The following ATRNL1 variants were observed in gnomAD, a reference collection of about 807,000 sequenced individuals.
ATRNL1 encodes attractin-like protein 1.
A neutral mutation model predicts 182.7 loss-of-function variants in ATRNL1; 95 were observed. The ratio of observed to expected loss-of-function variants is 0.52; its 90% CI spans 0.44 to 0.62. ATRNL1 has a LOEUF of 0.62. ATRNL1 is among the 20% of genes least tolerant of loss of function. ATRNL1 has a pLI of 0.00. For synonymous variants in ATRNL1, 576 were observed against 568.3 expected (o/e 1.01, Z -0.19); for missense variants, 1,471 against 1,679.5 (o/e 0.88, Z 2.17).
intron 7 of ATRNL1, among the ~76,000 whole-genome samples, chr10:115,170,281 C>T (rs1350978722): frequency 6.6e-6 from 1 of 151,986 alleles, no homozygotes; most frequent in Non-Finnish European, 1.5e-5. Flanking sequence ...TATCTTTTGT[C>T]AGGTTGGAAA....
chr10:115,625,448 G>T (rs569100989), intron 26 of ATRNL1, among the ~76,000 whole-genome samples: 1 of 152,134 alleles, frequency 6.6e-6, no homozygotes, highest in East Asian at 1.9e-4. Context: ...GTTGCTTGTA[G>T]TTTTATACCT....
chr10:115,829,584 T>C (rs1950513831), intron 27 of ATRNL1, among the ~76,000 whole-genome samples: 1 of 152,036 alleles, frequency 6.6e-6, no homozygotes, highest in Admixed American at 6.6e-5. Flanking sequence ...TTGGTATTTA[T>C]AACTCATTTC....
At chr10:115,593,498 A>G (rs1465670362) in intron 26 of ATRNL1, among the ~76,000 whole-genome samples, 11 of 152,186 alleles carry the variant, frequency 7.2e-5, no homozygotes, top group Admixed American at 6.5e-4. Flanking sequence ...GGGGGAAAGG[A>G]CAGTCTCTTC....
chr10:115,126,073 T>G (rs1405761141), intron 3 of ATRNL1, among the ~76,000 whole-genome samples: 5 of 152,324 alleles, frequency 3.3e-5, no homozygotes, highest in African/African-American at 9.6e-5. Context: ...TTGTTTGTTT[T>G]TTTGAGACGG....
Position 115,760,843 on chromosome 10 carries a change from T to C in ATRNL1, c.3903+33488T>C, listed in dbSNP as rs565942685. Among the ~76,000 whole-genome samples, 13 of 152,208 alleles carry C rather than the reference T, an allele frequency of 8.5e-5. No homozygotes were observed. The South Asian group carries it at 2.7e-3, about 32-fold the overall frequency. Reference sequence around the variant, plus strand: ...TTAAAAGTAATCAGACAAGGTATAGTTTGTTGTATTTTTAACTACAGAAGG... The same window carrying C: ...TTAAAAGTAATCAGACAAGGTATAGCTTGTTGTATTTTTAACTACAGAAGG... On this transcript the variant is annotated intron_variant, in intron 27 of 28. Transcript: ENST00000355044.
At chr10:115,355,809 A>G (rs1399870873) in intron 19 of ATRNL1, among the ~76,000 whole-genome samples, 1 of 151,646 alleles carries the variant, frequency 6.6e-6, no homozygotes, top group Admixed American at 6.6e-5. Context: ...TATATCTGTT[A>G]TGTTTTTAGT....
At chr10:115,240,635 C>T (rs1007733466) in intron 9 of ATRNL1, among the ~76,000 whole-genome samples, 1 of 152,046 alleles carries the variant, frequency 6.6e-6, no homozygotes, top group Admixed American at 6.6e-5. Context: ...ACTAACTATA[C>T]TTTACGTATT....
At chr10:115,761,052 A>T (rs1593180762) in intron 27 of ATRNL1, among the ~76,000 whole-genome samples, 2 of 152,186 alleles carry the variant, frequency 1.3e-5, no homozygotes, top group East Asian at 3.9e-4. Flanking sequence ...ACAACTAGGG[A>T]AGTAAGACTC....
At chr10:115,906,924 G>T (rs201086656) in intron 28 of ATRNL1, among the ~76,000 whole-genome samples, 1 of 122,472 alleles carries the variant, frequency 8.2e-6, no homozygotes, top group South Asian at 2.1e-4. Context: ...GTTGGTACAG[G>T]TTATCCGAAA....
chr10:115,358,326 A>G (rs550956176), intron 19 of ATRNL1, among the ~76,000 whole-genome samples: 3 of 151,830 alleles, frequency 2.0e-5, no homozygotes, highest in Non-Finnish European at 4.4e-5. Context: ...CAAATTATCT[A>G]TGAAGTACAT....
At chr10:115,275,357 G>C (rs1298239950) in intron 13 of ATRNL1, among the ~76,000 whole-genome samples, 1 of 152,164 alleles carries the variant, frequency 6.6e-6, no homozygotes, top group African/African-American at 2.4e-5. Context: ...ATTAATGTCA[G>C]TTTAGAACCA....
intron 27 of ATRNL1, among the ~76,000 whole-genome samples, chr10:115,767,355 C>T (rs1274409153): frequency 3.3e-5 from 5 of 151,888 alleles, no homozygotes; most frequent in Non-Finnish European, 7.4e-5. Context: ...TTTGTCAATG[C>T]CATCATTTTT....
At chr10:115,161,930 GAC>G (rs1399940216) in intron 6 of ATRNL1, among the ~76,000 whole-genome samples, 1 of 151,978 alleles carries the variant, frequency 6.6e-6, no homozygotes, top group African/African-American at 2.4e-5. Flanking sequence ...TACATTTTAA[GAC>G]AAATTATTCA....
At chr10:115,346,507 T>C (rs1855980893) in intron 19 of ATRNL1, among the ~76,000 whole-genome samples, 2 of 152,340 alleles carry the variant, frequency 1.3e-5, no homozygotes, top group African/African-American at 2.4e-5. Context: ...TGTACAACTG[T>C]CACCTTTATC....
chr10:115,220,266 C>G (rs889167595), intron 9 of ATRNL1: 3 of 152,216 alleles, frequency 2.0e-5, no homozygotes, highest in African/African-American at 7.2e-5. Flanking sequence ...GAATGATGCT[C>G]TTAGTACAGA....
At position 115,763,516 on chromosome 10, in the gene ATRNL1, A is replaced by T. The variant is rs902304940; in HGVS notation, c.3903+36161A>T. Among the ~76,000 whole-genome samples, 13 of 152,320 alleles carry T rather than the reference A, an allele frequency of 8.5e-5. 1 individual carries two copies. The highest frequency in any genetic ancestry group is 3.3e-4 in the Admixed American group (5 of 15,288). On this transcript the variant is annotated intron_variant, in intron 27 of 28. Transcript: ENST00000355044. ...GTGAACAGAGGGCATTCCATTCAAG[A>T]GGGAACATGATCTGGTTGGCCTAGT...
intron 26 of ATRNL1, among the ~76,000 whole-genome samples, chr10:115,694,994 A>T (rs1320732563): frequency 8.6e-5 from 13 of 151,840 alleles, no homozygotes; most frequent in Non-Finnish European, 4.4e-5. Context: ...GACTCCTTAG[A>T]GATAAAAGGG....
chr10:115,894,157 T>G (rs1446881233), intron 28 of ATRNL1, among the ~76,000 whole-genome samples: 1 of 152,112 alleles, frequency 6.6e-6, no homozygotes, highest in Non-Finnish European at 1.5e-5. Flanking sequence ...TAATATTAGA[T>G]CAAAGATGCA....
At chr10:115,568,190 C>T (rs1287194429) in intron 26 of ATRNL1, among the ~76,000 whole-genome samples, 1 of 151,966 alleles carries the variant, frequency 6.6e-6, no homozygotes, top group Non-Finnish European at 1.5e-5. Flanking sequence ...CTCTTTTGTT[C>T]AGGCTATTAA....
Sources: allele counts gnomAD v4.1 joint callset (sites outside exome capture counted in the v4.1 genomes callset), GRCh38; gene constraint gnomAD v4.1.1; transcripts MANE v1.5; gene names NCBI Gene and HGNC (gene_info 2026-07-23, HGNC 2026-07-21).